Variants in PCDH15 observed in about 807,000 individuals in gnomAD.
PCDH15 encodes protocadherin related 15.
PCDH15 carries 129 observed loss-of-function variants against 178.5 expected under a neutral mutation model. That is an observed-to-expected ratio of 0.72 (90% CI 0.63 to 0.84). The LOEUF (loss-of-function observed/expected upper bound fraction) is 0.84. PCDH15 is among the 40% of genes least tolerant of loss of function. PCDH15 has a pLI of 0.00. For missense variants in PCDH15, 2,230 were observed against 2,099.9 expected (o/e 1.06, Z -1.21); for synonymous variants, 800 against 732.0 (o/e 1.09, Z -1.50).
chr10:54,827,128 G>A (rs1953145077), intron 3 of PCDH15, among the ~76,000 whole-genome samples: 1 of 152,074 alleles, frequency 6.6e-6, no homozygotes, highest in Non-Finnish European at 1.5e-5. Context: ...CAGATGGCCA[G>A]ATAGCCAGTT....
At chr10:55,168,531 C>T (rs551405776) in intron 1 of PCDH15, among the ~76,000 whole-genome samples, 2 of 152,266 alleles carry the variant, frequency 1.3e-5, no homozygotes, top group African/African-American at 4.8e-5. Context: ...GGGTTCTGTA[C>T]ATTTGTGAAC....
At chr10:54,388,215 C>A (rs7092779) in intron 3 of PCDH15, among the ~76,000 whole-genome samples, 9 of 152,070 alleles carry the variant, frequency 5.9e-5, no homozygotes, top group Non-Finnish European at 1.2e-4. Flanking sequence ...TCTGTTCAAA[C>A]GTTCATCAGC....
At chr10:54,312,414 TTATAATGTGACTTGGACACCCCTCA>T (rs1373895451) in intron 8 of PCDH15, among the ~76,000 whole-genome samples, 1 of 152,136 alleles carries the variant, frequency 6.6e-6, no homozygotes, top group Admixed American at 6.6e-5. Flanking sequence ...TATGCTCTTC[TTATAATGTGACTTGGACACCCCTCA>T]TATAGGGAGG....
intron 2 of PCDH15, among the ~76,000 whole-genome samples, chr10:54,969,802 C>T (rs1404985106): frequency 6.6e-6 from 1 of 152,074 alleles, no homozygotes; most frequent in Non-Finnish European, 1.5e-5. Context: ...TTCTGATAAC[C>T]AATATATGAA....
intron 3 of PCDH15, among the ~76,000 whole-genome samples, chr10:54,489,600 C>G (rs867729245): frequency 6.6e-6 from 1 of 151,810 alleles, no homozygotes; most frequent in African/African-American, 2.4e-5. Flanking sequence ...ATACATACAT[C>G]ATACACACAT....
chr10:54,679,292 A>T (rs2094856666), intron 1 of PCDH15, among the ~76,000 whole-genome samples: 1 of 151,812 alleles, frequency 6.6e-6, no homozygotes, highest in African/African-American at 2.4e-5. Flanking sequence ...TGCCCTGATG[A>T]TTGGTGTATT....
At chr10:55,427,813 A>G (rs1041455947) in intron 2 of PCDH15, among the ~76,000 whole-genome samples, 47 of 151,572 alleles carry the variant, frequency 3.1e-4, no homozygotes, top group Admixed American at 4.6e-4. Flanking sequence ...TAAATATCAT[A>G]TTTAAATATC....
chr10:54,803,169 G>T (rs1416484150), upstream of PCDH15, among the ~76,000 whole-genome samples: 2 of 152,078 alleles, frequency 1.3e-5, no homozygotes, highest in Non-Finnish European at 2.9e-5. Flanking sequence ...GCATTGTAAA[G>T]TCCACTTGAA....
In PCDH15 at chr10:54,482,787, A is replaced by G. The variant is rs2078817260; in HGVS notation, c.157+45025T>C. ...CCCCTCACACATCAAGATTAGAAGC[A>G]AGCACATATAGCAGTGGCGAGGTAG... On this transcript the variant is annotated intron_variant, in intron 3 of 37. Coordinates refer to ENST00000644397, the MANE Select transcript of PCDH15 (RefSeq NM_001384140.1). Among the ~76,000 whole-genome samples the G allele has an allele frequency of 2.0e-5, 3 of 151,900 alleles. No homozygotes were observed. In the South Asian group the frequency reaches 6.2e-4, roughly 31 times the overall value.
intron 1 of PCDH15, among the ~76,000 whole-genome samples, chr10:54,744,710 A>G (rs575466795): frequency 5.3e-5 from 8 of 152,300 alleles, no homozygotes; most frequent in Non-Finnish European, 1.2e-4. Context: ...CAGAATTTGT[A>G]TTTTAAGAAA....
At chr10:53,969,334 G>A (rs1221514549) in intron 21 of PCDH15, among the ~76,000 whole-genome samples, 1 of 152,104 alleles carries the variant, frequency 6.6e-6, no homozygotes, top group African/African-American at 2.4e-5. Flanking sequence ...AATGAACAAA[G>A]CCTCCAAGAA....
chr10:55,614,753 A>C (rs537522871), intron 2 of PCDH15, among the ~76,000 whole-genome samples: 1 of 152,266 alleles, frequency 6.6e-6, no homozygotes, highest in East Asian at 1.9e-4. Context: ...AATGAACCAA[A>C]GTCTTTGGTT....
intron 8 of PCDH15, among the ~76,000 whole-genome samples, chr10:54,250,339 G>A (rs973644445): frequency 4.9e-5 from 7 of 143,592 alleles, no homozygotes; most frequent in Non-Finnish European, 9.0e-5. Flanking sequence ...CTAGAGGGCA[G>A]TGGCGCAATC....
intron 1 of PCDH15, among the ~76,000 whole-genome samples, chr10:55,274,241 T>G (rs1842525640): frequency 6.6e-6 from 1 of 152,044 alleles, no homozygotes; most frequent in South Asian, 2.1e-4. Context: ...CCAGAGAGAT[T>G]CCACAAATAC....
chr10:54,297,195 A>G (rs1328458545), intron 8 of PCDH15, among the ~76,000 whole-genome samples: 2 of 152,076 alleles, frequency 1.3e-5, no homozygotes, highest in African/African-American at 2.4e-5. Context: ...ACAAAACCGC[A>G]GGTGGTTTTG....
intron 2 of PCDH15, among the ~76,000 whole-genome samples, chr10:54,548,459 C>A (rs1199427536): frequency 6.8e-6 from 1 of 147,678 alleles, no homozygotes; most frequent in African/African-American, 2.5e-5. Context: ...TAATTATATC[C>A]ATTTTCACCT....
chr10:55,395,855 C>A (rs887779951), intron 2 of PCDH15, among the ~76,000 whole-genome samples: 13 of 151,332 alleles, frequency 8.6e-5, no homozygotes, highest in African/African-American at 1.2e-4. Flanking sequence ...CAAAAAAAAC[C>A]AAACATAAAA....
chr10:53,948,369 A>C (rs1210170520), intron 23 of PCDH15, among the ~76,000 whole-genome samples: 1 of 152,096 alleles, frequency 6.6e-6, no homozygotes, highest in Non-Finnish European at 1.5e-5. Flanking sequence ...TTCTGTTTTG[A>C]ATTATACATT....
chr10:55,326,660 G>T (rs1844039343), intron 2 of PCDH15, among the ~76,000 whole-genome samples: 2 of 151,962 alleles, frequency 1.3e-5, no homozygotes, highest in Admixed American at 6.6e-5. Context: ...AACAGAAAGA[G>T]AAATTTAAAT....
Sources: allele counts gnomAD v4.1 joint callset (sites outside exome capture counted in the v4.1 genomes callset), GRCh38; gene constraint gnomAD v4.1.1; transcripts MANE v1.5; gene names NCBI Gene and HGNC (gene_info 2026-07-23, HGNC 2026-07-21).